ALPK1: variants seen among roughly 807,000 people sequenced by gnomAD.
ALPK1 encodes alpha-protein kinase 1.
In ALPK1, 110 loss-of-function variants were observed where a neutral mutation model predicts 120.6. That is an observed-to-expected ratio of 0.91 (90% CI 0.78 to 1.07). The LOEUF (loss-of-function observed/expected upper bound fraction) is 1.07, where lower values mean the gene tolerates loss of function less well. Among genes scored for constraint, ALPK1 ranks in the 50% least tolerant of loss-of-function variants. ALPK1 has a pLI of 0.00. For missense variants in ALPK1, 1,498 were observed against 1,483.9 expected (o/e 1.01, Z -0.16); for synonymous variants, 582 against 560.3 (o/e 1.04, Z -0.55).
chr4:112,334,334 G>A (rs1434750253), intron 2 of ALPK1, among the ~76,000 whole-genome samples: 1 of 151,522 alleles, frequency 6.6e-6, no homozygotes, highest in Non-Finnish European at 1.5e-5. Context: ...TTGGGAGGCT[G>A]AGCCATAAGA....
chr4:112,342,630 C>G (rs1394623562), intron 2 of ALPK1, among the ~76,000 whole-genome samples: 2 of 152,162 alleles, frequency 1.3e-5, no homozygotes, highest in Non-Finnish European at 2.9e-5. Context: ...TAACACAATG[C>G]CTTTCATTTT....
intron 2 of ALPK1, chr4:112,358,545 A>T: frequency 1.4e-6 from 1 of 698,528 alleles, no homozygotes; most frequent in Non-Finnish European, 2.6e-6. Context: ...CTGTATATGG[A>T]GTATGAGCAG....
At chr4:112,390,764 T>C (rs1732379197) in intron 4 of ALPK1, among the ~76,000 whole-genome samples, 1 of 152,196 alleles carries the variant, frequency 6.6e-6, no homozygotes, top group Non-Finnish European at 1.5e-5. Flanking sequence ...TGCCCATGTA[T>C]CTCTCAGGGA....
At chr4:112,366,887 G>A (rs1731181922) in intron 2 of ALPK1, among the ~76,000 whole-genome samples, 1 of 152,126 alleles carries the variant, frequency 6.6e-6, no homozygotes, top group African/African-American at 2.4e-5. Context: ...ATGAAATAAT[G>A]GCACTTGCAG....
At chr4:112,371,326 T>G (rs1731394492) in intron 2 of ALPK1, among the ~76,000 whole-genome samples, 1 of 152,164 alleles carries the variant, frequency 6.6e-6, no homozygotes, top group Non-Finnish European at 1.5e-5. Flanking sequence ...TACCAGTAGT[T>G]TCCTAGCACT....
At chr4:112,366,079 T>A (rs1731138807) in intron 2 of ALPK1, among the ~76,000 whole-genome samples, 1 of 152,066 alleles carries the variant, frequency 6.6e-6, no homozygotes, top group South Asian at 2.1e-4. Context: ...AAGACTTAAA[T>A]CTAAGACCTA....
intron 3 of ALPK1, among the ~76,000 whole-genome samples, chr4:112,378,948 A>G (rs1411010632): frequency 6.6e-6 from 1 of 152,204 alleles, no homozygotes; most frequent in Admixed American, 6.5e-5. Context: ...CCAATGTGTG[A>G]CTTTGCTTCC....
chr4:112,358,497 C>T (rs1730754346), intron 2 of ALPK1: 1 of 680,496 alleles, frequency 1.5e-6, no homozygotes, highest in African/African-American at 1.8e-5. Context: ...AAGCAGAGGC[C>T]CTCAGGGTCA....
intron 5 of ALPK1, among the ~76,000 whole-genome samples, chr4:112,420,366 A>G (rs182459152): frequency 9.2e-5 from 14 of 152,330 alleles, no homozygotes; most frequent in Non-Finnish European, 1.9e-4. Flanking sequence ...TTCTGGCTAC[A>G]ACAATACACA....
At chr4:112,324,976 G>A (rs1474808264) in intron 2 of ALPK1, among the ~76,000 whole-genome samples, 6 of 37,604 alleles carry the variant, frequency 1.6e-4, no homozygotes, top group Admixed American at 3.5e-4. Flanking sequence ...CAAAAAAAAG[G>A]GGGGGGGGGG....
intron 11 of ALPK1, 68 bp from the exon 12 acceptor site, chr4:112,435,080 T>C: frequency 6.7e-7 from 1 of 1,493,232 alleles, no homozygotes; most frequent in Non-Finnish European, 9.2e-7. Flanking sequence ...CTGTGTCACA[T>C]CAGCTTTATT....
chr4:112,408,830 G>A (rs1340839072), intron 4 of ALPK1, among the ~76,000 whole-genome samples: 2 of 152,102 alleles, frequency 1.3e-5, no homozygotes, highest in African/African-American at 2.4e-5. Flanking sequence ...TTTATTTGAC[G>A]AACTCAGTCG....
chr4:112,328,687 T>C (rs1009994097), intron 2 of ALPK1, among the ~76,000 whole-genome samples: 1 of 152,200 alleles, frequency 6.6e-6, no homozygotes, highest in East Asian at 1.9e-4. Context: ...ATATGAATCT[T>C]TTTTCCTTAA....
chr4:112,357,544 A>G (rs1730692122), intron 2 of ALPK1: 2 of 1,124,694 alleles, frequency 1.8e-6, no homozygotes, highest in Non-Finnish European at 2.7e-6. Flanking sequence ...CTGCTTTATC[A>G]TCCTCACCAG....
intron 2 of ALPK1, among the ~76,000 whole-genome samples, chr4:112,342,418 G>A (rs1002223409): frequency 2.0e-5 from 3 of 152,256 alleles, no homozygotes; most frequent in East Asian, 3.9e-4. Context: ...TGGTCTAAAT[G>A]TTATGTTACT....
At chr4:112,412,701 G>A (rs1293812673) in intron 5 of ALPK1, among the ~76,000 whole-genome samples, 1 of 152,176 alleles carries the variant, frequency 6.6e-6, no homozygotes, top group Non-Finnish European at 1.5e-5. Context: ...ATTTAGAAAC[G>A]TGTAGCCTGT....
intron 2 of ALPK1, among the ~76,000 whole-genome samples, chr4:112,342,332 G>A (rs1729898834): frequency 6.6e-6 from 1 of 152,090 alleles, no homozygotes. Flanking sequence ...ACCAATTTAG[G>A]ACAGAACAAG....
chr4:112,380,349 A>T (rs1056029817), intron 3 of ALPK1, among the ~76,000 whole-genome samples: 1 of 152,212 alleles, frequency 6.6e-6, no homozygotes, highest in African/African-American at 2.4e-5. Context: ...TCTGCTTTCA[A>T]GGGGGAGCAC....
intron 2 of ALPK1, among the ~76,000 whole-genome samples, chr4:112,376,738 C>T (rs1162329954): frequency 6.6e-6 from 1 of 152,322 alleles, no homozygotes; most frequent in African/African-American, 2.4e-5. Context: ...ATATCTGTTA[C>T]TTTCTTCCCT....
Sources: gnomAD v4.1 joint callset for allele counts (sites outside exome capture counted in the v4.1 genomes callset) on GRCh38, gnomAD v4.1.1 for gene constraint, MANE v1.5 for transcripts, NCBI Gene and HGNC (gene_info 2026-07-23, HGNC 2026-07-21) for gene names.